Variants in ARHGEF1 observed in about 807,000 individuals in gnomAD.
ARHGEF1 encodes 115 kDa guanine nucleotide exchange factor.
Under a neutral mutation model 119.7 loss-of-function variants are expected in ARHGEF1, and 40 were observed. That is an observed-to-expected ratio of 0.33 (90% CI 0.26 to 0.44). The LOEUF is 0.44. ARHGEF1 is among the 20% of genes least tolerant of loss of function. The probability of loss-of-function intolerance (pLI) is 1.00; values close to 1 mark genes in which losing one functional copy is unlikely to be tolerated. For synonymous variants in ARHGEF1, 494 were observed against 521.0 expected (o/e 0.95, Z 0.71); for missense variants, 976 against 1,268.3 (o/e 0.77, Z 3.50).
In ARHGEF1 at chr19:41,903,104, T is replaced by C. The variant is rs1401409534; in HGVS notation, c.1739-203T>C. On this transcript the variant is annotated intron_variant, in intron 18 of 28. Coordinates refer to ENST00000354532, the MANE Select transcript of ARHGEF1 (RefSeq NM_004706.4). The surrounding 1 kb of genome is among the most constrained non-coding windows in gnomAD (Gnocchi z 4.2). ...AGCTAATTTTTTTAGTTTTTTTTTT[T>C]AGAGACGGGGTCTCGCCATGTTGCC... Among the ~76,000 whole-genome samples the C allele has an allele frequency of 2.0e-5, 3 of 151,192 alleles. No homozygotes were observed. The East Asian group carries it at 5.8e-4, about 29-fold the overall frequency.
intron 18 of ARHGEF1, chr19:41,913,052 C>T (rs546497637): frequency 4.9e-6 from 2 of 410,406 alleles, no homozygotes; most frequent in Non-Finnish European, 8.4e-6. Context: ...AGCCTGACAC[C>T]CTCTCCCCGC....
intron 1 of ARHGEF1, among the ~76,000 whole-genome samples, 178 bp from the exon 2 acceptor site, chr19:41,887,886 G>C (rs41309437): frequency 6.6e-6 from 1 of 152,178 alleles, no homozygotes; most frequent in Non-Finnish European, 1.5e-5. Context: ...CTGGGCTCCC[G>C]CCCCCTGGCG....
At chr19:41,909,733 G>T, downstream of ARHGEF1, 1 of 1,057,638 alleles carries the variant, frequency 9.5e-7, no homozygotes, top group Non-Finnish European at 1.3e-6. The surrounding 1 kb of genome is among the most constrained non-coding windows in gnomAD (Gnocchi z 5.2). Flanking sequence ...AGTAGCGATG[G>T]TGGCTACTCA....
At chr19:41,891,172 C>T (rs1435561523) in intron 4 of ARHGEF1, among the ~76,000 whole-genome samples, 1 of 152,230 alleles carries the variant, frequency 6.6e-6, no homozygotes, top group Non-Finnish European at 1.5e-5. Flanking sequence ...TCAACACACA[C>T]AAACCCTTAA....
intron 18 of ARHGEF1, among the ~76,000 whole-genome samples, chr19:41,915,779 C>T (rs1377798134): frequency 6.6e-6 from 1 of 152,228 alleles, no homozygotes; most frequent in African/African-American, 2.4e-5. Flanking sequence ...TGGCGCCCCC[C>T]TGGCCCCATT....
rs1555849427 is a variant in ARHGEF1 at position 41,903,264 on chromosome 19, C to G, written c.1739-43C>G. On this transcript the variant is annotated intron_variant, in intron 18 of 28. Transcript: ENST00000354532. This position sits in a 1 kb window ranked among gnomAD's most constrained non-coding sequence, Gnocchi z 4.2. ...CCTTGGCTGCCCAATCTGGAGCCTC[C>G]AGGGCAGGGGTTCACCAGAGCTGCT... is the stretch of plus-strand genomic sequence containing the variant. 8.8e-6 allele frequency: 14 copies of G among 1,583,108 alleles called. No homozygotes were observed. The highest frequency in any genetic ancestry group is 1.7e-4 in the Middle Eastern group (1 of 6,000).
Position 41,904,065 on chromosome 19 carries a change from C to T in ARHGEF1, c.1948C>T (p.His650Tyr). Residue 650 changes from histidine (H) to tyrosine (Y), a missense_variant, in exon 21 of 29, where the codon CAC becomes TAC. Transcript: ENST00000354532. The surrounding 1 kb of genome is among the most constrained non-coding windows in gnomAD (Gnocchi z 8.4). ...NLDITKKKLV[H>Y]EGPLTWRVTK... ...GGACATCACCAAGAAGAAATTGGTC[C>T]ACGAGGGCCCACTGACGTGGCGGGT... 6.2e-7 allele frequency: 1 copy of T among 1,614,158 alleles called. No individual in the cohort carries two copies. The highest frequency in any genetic ancestry group is 8.5e-7 in the Non-Finnish European group (1 of 1,180,032).
chr19:41,908,599 T>C (rs1342512911), downstream of ARHGEF1: 1 of 1,231,602 alleles, frequency 8.1e-7, no homozygotes, highest in Non-Finnish European at 1.0e-6. This position sits in a 1 kb window ranked among gnomAD's most constrained non-coding sequence, Gnocchi z 6.7. Flanking sequence ...AGGTACGGGT[T>C]AAAGTTCCAG....
intron 18 of ARHGEF1, among the ~76,000 whole-genome samples, chr19:41,915,162 C>T (rs1249360035): frequency 1.1e-5 from 1 of 93,294 alleles, no homozygotes; most frequent in Non-Finnish European, 2.0e-5. Flanking sequence ...CCTCTCATTT[C>T]CGTGTTGGTT....
chr19:41,912,718 G>T (rs2074760652), intron 18 of ARHGEF1: 1 of 402,296 alleles, frequency 2.5e-6, no homozygotes, highest in Non-Finnish European at 4.3e-6. Context: ...TTGATTTGGG[G>T]GACTGACCAA....
downstream of ARHGEF1, chr19:41,909,396 G>A (rs1029409408): frequency 6.5e-6 from 8 of 1,237,354 alleles, no homozygotes; most frequent in South Asian, 4.0e-5. This position sits in a 1 kb window ranked among gnomAD's most constrained non-coding sequence, Gnocchi z 5.2. Flanking sequence ...TGACAAGCAC[G>A]ACTTTGCTGA....
At chr19:41,914,648 T>C (rs113615831) in intron 18 of ARHGEF1, among the ~76,000 whole-genome samples, 705 of 3,176 alleles carry the variant, frequency 0.22, 154 homozygotes, top group South Asian at 0.29. Flanking sequence ...TCTCCCTCCC[T>C]TTCCACCATC....
intron 18 of ARHGEF1, among the ~76,000 whole-genome samples, chr19:41,913,489 C>T (rs1390980595): frequency 6.6e-6 from 1 of 151,830 alleles, no homozygotes; most frequent in Non-Finnish European, 1.5e-5. Flanking sequence ...CAGCCCTGAC[C>T]CGCAGCCGCC....
chr19:41,918,261 AC>A (rs1200856058), upstream of ARHGEF1, among the ~76,000 whole-genome samples: 1 of 150,028 alleles, frequency 6.7e-6, no homozygotes, highest in African/African-American at 2.5e-5. Flanking sequence ...ATACATACAC[AC>A]CCCCACCACA....
chr19:41,910,561 C>T (rs988127098), downstream of ARHGEF1, among the ~76,000 whole-genome samples: 7 of 152,160 alleles, frequency 4.6e-5, no homozygotes, highest in African/African-American at 2.4e-5. The surrounding 1 kb of genome is among the most constrained non-coding windows in gnomAD (Gnocchi z 4.4). Context: ...CTCCACCTTT[C>T]GACATTCCCC....
At chr19:41,896,512 G>A (rs1555847671) in intron 13 of ARHGEF1, 30 bp downstream of exon 13, 1 of 1,506,972 alleles carries the variant, frequency 6.6e-7, no homozygotes. Flanking sequence ...GGGGCGGGAG[G>A]TGTGGCTTAC....
In ARHGEF1 at chr19:41,906,929, C is replaced by T. The variant is rs566161426; in HGVS notation, c.*17+126C>T. 7 of 958,356 alleles carry T rather than the reference C, an allele frequency of 7.3e-6. No homozygotes were observed. Among genetic ancestry groups the T allele is most frequent in the Admixed American group, 3.0e-5 (1 of 33,400 alleles). 59.4% of individuals were successfully genotyped at this position (958,356 alleles called of 1,614,324 possible). On this transcript the variant is annotated intron_variant, in intron 28 of 28. Coordinates refer to ENST00000354532, the MANE Select transcript of ARHGEF1 (RefSeq NM_004706.4). This position sits in a 1 kb window ranked among gnomAD's most constrained non-coding sequence, Gnocchi z 4.5. ...TTTTCTGAATCTCCCCACTCCACCT[C>T]GTGTTTCTCATCTCTGTGTCTCTGT... is the stretch of plus-strand genomic sequence containing the variant.
At chr19:41,884,766 C>T (rs2074268625) in intron 1 of ARHGEF1, among the ~76,000 whole-genome samples, 2 of 152,130 alleles carry the variant, frequency 1.3e-5, no homozygotes, top group Non-Finnish European at 2.9e-5. Flanking sequence ...ATCCGGGGCT[C>T]TATAGACCAT....
rs1555846562 is a variant in ARHGEF1, at chr19:41,892,801, G to GGGAGCGGCACGTGGC, written c.575_589dup (p.His192_Arg196dup). ...CGGGACCGAGCCAGCTACGAGGCCC[G>GGGAGCGGCACGTGGC]GGAGCGGCACGTGGCGGAGCGGCTG... On this transcript the variant is annotated inframe_insertion, in exon 7 of 29. Coordinates refer to ENST00000354532, the MANE Select transcript of ARHGEF1 (RefSeq NM_004706.4). The surrounding 1 kb of genome is among the most constrained non-coding windows in gnomAD (Gnocchi z 6.3). 2 of 1,594,122 alleles carry GGGAGCGGCACGTGGC rather than the reference G, an allele frequency of 1.3e-6. No individual in the cohort carries two copies. The highest frequency in any genetic ancestry group is 1.3e-5 in the African/African-American group (1 of 74,742).
Sources: gnomAD v4.1 joint callset for allele counts (sites outside exome capture counted in the v4.1 genomes callset) on GRCh38, gnomAD v4.1.1 for gene constraint, Gnocchi (gnomAD v3.1) non-coding constraint, MANE v1.5 for transcripts, NCBI Gene and HGNC (gene_info 2026-07-23, HGNC 2026-07-21) for gene names.